CHD5: variants seen among roughly 807,000 people sequenced by gnomAD.
The protein encoded by CHD5 is ATP-dependent chromatin remodeler CHD5.
Under a neutral mutation model 230.3 loss-of-function variants are expected in CHD5, and 69 were observed. That is an observed-to-expected ratio of 0.30 (90% CI 0.25 to 0.37). The LOEUF (loss-of-function observed/expected upper bound fraction) is 0.37, where lower values mean the gene tolerates loss of function less well. Among genes scored for constraint, CHD5 ranks in the 10% least tolerant of loss-of-function variants. CHD5 has a pLI of 1.00. For missense variants in CHD5, 1,827 were observed against 2,622.8 expected, an observed-to-expected ratio of 0.70 and a Z score of 6.63; for synonymous variants, 1,064 against 1,065.9, an observed-to-expected ratio of 1.00 and a Z score of 0.03.
chr1:6,166,880 GGGACA>G (rs1557562559), intron 2 of CHD5, among the ~76,000 whole-genome samples: 1 of 152,056 alleles, frequency 6.6e-6, no homozygotes, highest in African/African-American at 2.4e-5. Context: ...CCTTGTTCAC[GGGACA>G]AGAGGCCCAT....
At chr1:6,122,781 C>T (rs995455409) in intron 31 of CHD5, among the ~76,000 whole-genome samples, 2 of 152,134 alleles carry the variant, frequency 1.3e-5, no homozygotes, top group African/African-American at 4.8e-5. Context: ...TACAAGAAAA[C>T]GTTATCGGCC....
Position 6,121,353 on chromosome 1 carries a change from C to A in CHD5, c.4780-116G>T. On this transcript the variant is annotated intron_variant, in intron 32 of 41. Transcript: ENST00000262450. This position sits in a 1 kb window ranked among gnomAD's most constrained non-coding sequence, Gnocchi z 4.5. ...CCTGGCTCCCGTCGCTTGCTCCTAG[C>A]CTGCTCCCCGCCGATTCAGAGCCCC... 1 of 1,503,734 alleles carries A rather than the reference C, an allele frequency of 6.7e-7. No individual in the cohort carries two copies. Among genetic ancestry groups the A allele is most frequent in the Non-Finnish European group, 9.1e-7 (1 of 1,102,084 alleles). 93.1% of individuals were successfully genotyped at this position (1,503,734 alleles called of 1,614,324 possible).
In CHD5 at chr1:6,106,390, C is replaced by A; in HGVS notation, c.5857+5G>T. 1 of 1,603,762 alleles carries A rather than the reference C, an allele frequency of 6.2e-7. No homozygotes were observed. Among genetic ancestry groups the A allele is most frequent in the Non-Finnish European group, 8.5e-7 (1 of 1,175,612 alleles). On this transcript the variant is annotated splice_donor_5th_base_variant and intron_variant, in intron 40 of 41. Transcript: ENST00000262450. ...GCATGCTGCCCGGAGCGGACGGGCA[C>A]CTACCGGTCACATAGGGCCCCAGGG...
Position 6,142,072 on chromosome 1 carries a change from C to G in CHD5, c.2436+56G>C, listed in dbSNP as rs1372418157. On this transcript the variant is annotated intron_variant, in intron 15 of 41. Transcript: ENST00000262450. This position sits in a 1 kb window ranked among gnomAD's most constrained non-coding sequence, Gnocchi z 5.2. ...CAAAGGAGTGCACGGCACCCGTGGT[C>G]CCTGAACTAGACCGGGGGCCTTCCT... 4 of 1,512,344 alleles carry G rather than the reference C, an allele frequency of 2.6e-6. No homozygotes were observed. In the Admixed American group the frequency reaches 6.7e-5, roughly 25 times the overall value. 93.7% of individuals were successfully genotyped at this position (1,512,344 alleles called of 1,614,324 possible). A position where few individuals can be genotyped will look rare whatever the true frequency, so the allele number is the denominator to read the frequency against.
At position 6,103,397 on chromosome 1, in the gene CHD5, G is replaced by A. The variant is rs144916923; in HGVS notation, c.*2077C>T. ...GAGCAAGCCTGCCTGAGAGGAAGGC[G>A]CACAGGGGAGGGACCATCAGCCCTT... On this transcript the variant is annotated 3_prime_UTR_variant, in exon 42 of 42. Coordinates refer to ENST00000262450, the MANE Select transcript of CHD5 (RefSeq NM_015557.3). 2.7e-3 allele frequency: 410 copies of A among 152,754 alleles called. 1 individual carries two copies. The highest frequency in any genetic ancestry group is 8.9e-3 in the African/African-American group (371 of 41,584). The allele number at this position is 152,754 out of a possible 1,614,324, so 9.5% of individuals were successfully genotyped here.
chr1:6,158,702 C>T, intron 3 of CHD5, among the ~76,000 whole-genome samples: 1 of 152,104 alleles, frequency 6.6e-6, no homozygotes, highest in East Asian at 1.9e-4. Context: ...CCAAGGCAGG[C>T]AGATCGCGAG....
intron 38 of CHD5, among the ~76,000 whole-genome samples, chr1:6,107,785 TGGAAGAATGAAG>T (rs1666216215): frequency 3.6e-5 from 3 of 84,488 alleles, no homozygotes; most frequent in East Asian, 4.4e-4. Context: ...GGAGGGATGA[TGGAAGAATGAAG>T]GGATGATGGA....
intron 3 of CHD5, among the ~76,000 whole-genome samples, chr1:6,157,660 G>A (rs1002299828): frequency 4.6e-5 from 7 of 152,220 alleles, no homozygotes; most frequent in Admixed American, 6.5e-5. Context: ...TGACAGCTCA[G>A]AGAATTCCTC....
chr1:6,138,520 C>T (rs1402268994), intron 15 of CHD5, among the ~76,000 whole-genome samples: 2 of 152,242 alleles, frequency 1.3e-5, no homozygotes, highest in Non-Finnish European at 2.9e-5. Flanking sequence ...TCCTGTGCTG[C>T]ACCAAGCCTG....
At position 6,146,051 on chromosome 1, in the gene CHD5, C is replaced by G. The variant is rs1666905639; in HGVS notation, c.1802+161G>C. On this transcript the variant is annotated intron_variant, in intron 11 of 41. Transcript: ENST00000262450. The surrounding 1 kb of genome is among the most constrained non-coding windows in gnomAD (Gnocchi z 5.1). ...AGGCAGATCTCCAGCACTGGGAACC[C>G]TGGGCCCTTCCTTGTGCCCCTGCTG... Among the ~76,000 whole-genome samples, 1 of 152,188 alleles carries G rather than the reference C, an allele frequency of 6.6e-6. No homozygotes were observed.
At chr1:6,135,672 C>G (rs9435080) in intron 17 of CHD5, among the ~76,000 whole-genome samples, 63,480 of 151,994 alleles carry the variant, frequency 0.42, 14,137 homozygotes, top group East Asian at 0.81. Flanking sequence ...AGGAAACTGA[C>G]TCTGATGAGT....
intron 11 of CHD5, among the ~76,000 whole-genome samples, chr1:6,145,135 A>G (rs1201920703): frequency 1.3e-5 from 2 of 151,934 alleles, no homozygotes; most frequent in East Asian, 3.9e-4. Context: ...CCCATAGTTG[A>G]AGGGGGGCAG....
At position 6,180,067 on chromosome 1, in the gene CHD5, C is replaced by T. The variant is rs1384689496; in HGVS notation, c.-44G>A. 1 of 1,127,694 alleles carries T rather than the reference C, an allele frequency of 8.9e-7. No homozygotes were observed. Among genetic ancestry groups the T allele is most frequent in the Non-Finnish European group, 1.1e-6 (1 of 885,266 alleles). The allele number at this position is 1,127,694 out of a possible 1,614,324, so 69.9% of individuals were successfully genotyped here. On this transcript the variant is annotated 5_prime_UTR_variant, in exon 1 of 42. Transcript: ENST00000262450. ...GGGAGGTGGGCGCCCCCCCTCCCGC[C>T]GGGCGCGGTGCCAGCCTTAACCCGT...
rs1667045076 is a variant in CHD5 at position 6,154,067 on chromosome 1, C to A, written c.745+593G>T. On this transcript the variant is annotated intron_variant, in intron 5 of 41. Coordinates refer to ENST00000262450, the MANE Select transcript of CHD5 (RefSeq NM_015557.3). This position sits in a 1 kb window ranked among gnomAD's most constrained non-coding sequence, Gnocchi z 7.0. Reference sequence around the variant, plus strand: ...ATCTCGATCTCCTTCCAGGCCTGTCCCAGAACAGCCTCCCTGGGAAGCGAG... The same window carrying A: ...ATCTCGATCTCCTTCCAGGCCTGTCACAGAACAGCCTCCCTGGGAAGCGAG... Among the ~76,000 whole-genome samples, 1 of 152,112 alleles carries A rather than the reference C, an allele frequency of 6.6e-6. No homozygotes were observed. The highest frequency in any genetic ancestry group is 6.5e-5 in the Admixed American group (1 of 15,278).
At chr1:6,106,342 C>T in intron 40 of CHD5, 53 bp downstream of exon 40, 2 of 1,611,964 alleles carry the variant, frequency 1.2e-6, no homozygotes, top group Non-Finnish European at 8.5e-7. Flanking sequence ...AGCAGGCAGG[C>T]CGGGCCCGGC....
intron 33 of CHD5, among the ~76,000 whole-genome samples, chr1:6,119,930 C>T (rs1266323743): frequency 6.6e-6 from 1 of 151,352 alleles, no homozygotes; most frequent in African/African-American, 2.4e-5. Context: ...ACACGATCTC[C>T]ACTCACTGCA....
At position 6,121,392 on chromosome 1, in the gene CHD5, G is replaced by A; in HGVS notation, c.4779+102C>T. 1.3e-6 allele frequency: 2 copies of A among 1,481,920 alleles called. No individual in the cohort carries two copies. Among genetic ancestry groups the A allele is most frequent in the South Asian group, 1.2e-5 (1 of 85,576 alleles). The allele number at this position is 1,481,920 out of a possible 1,614,324, so 91.8% of individuals were successfully genotyped here. ...ATTCAGAGCCCCGAAAAGGGAGCCA[G>A]GAGGCCTGGGTTCCACCTCGCTGTA... On this transcript the variant is annotated intron_variant, in intron 32 of 41. Coordinates refer to ENST00000262450, the MANE Select transcript of CHD5 (RefSeq NM_015557.3). The surrounding 1 kb of genome is among the most constrained non-coding windows in gnomAD (Gnocchi z 4.5).
intron 15 of CHD5, among the ~76,000 whole-genome samples, chr1:6,141,811 G>A (rs960483958): frequency 2.6e-5 from 4 of 152,182 alleles, no homozygotes; most frequent in African/African-American, 9.6e-5. Context: ...AGGCTGGAAG[G>A]AGGAAGGAAG....
chr1:6,155,539 C>A lies in CHD5; in HGVS notation c.506+60G>T. The A allele has an allele frequency of 6.9e-7, 1 of 1,458,882 alleles. No individual in the cohort carries two copies. Among genetic ancestry groups the A allele is most frequent in the Non-Finnish European group, 9.6e-7 (1 of 1,040,378 alleles). 90.4% of individuals were successfully genotyped at this position (1,458,882 alleles called of 1,614,324 possible). On this transcript the variant is annotated intron_variant, in intron 4 of 41. Coordinates refer to ENST00000262450, the MANE Select transcript of CHD5 (RefSeq NM_015557.3). The surrounding 1 kb of genome is among the most constrained non-coding windows in gnomAD (Gnocchi z 4.0). ...GGGGCTTCACTCCTCTGCCTCCCTC[C>A]CGACTTGGTACCACCAGAGGATGTG... is the stretch of plus-strand genomic sequence containing the variant.
Sources: gnomAD v4.1 joint callset for allele counts (sites outside exome capture counted in the v4.1 genomes callset) on GRCh38, gnomAD v4.1.1 for gene constraint, Gnocchi (gnomAD v3.1) non-coding constraint, MANE v1.5 for transcripts, NCBI Gene and HGNC (gene_info 2026-07-23, HGNC 2026-07-21) for gene names.